Variants in SOD3 observed in about 807,000 individuals in gnomAD.
SOD3 encodes superoxide dismutase 3, also known as extracellular superoxide dismutase [Cu-Zn].
In SOD3, 3 loss-of-function variants were observed where a neutral mutation model predicts 2.6. That is an observed-to-expected ratio of 1.13 (90% CI 0.52 to 2.93). The LOEUF is 2.93. SOD3 is among the 30% of genes most tolerant of loss of function. The pLI is 0.04. For missense variants in SOD3, 379 were observed against 370.4 expected (o/e 1.02, Z -0.19); for synonymous variants, 188 against 177.5 (o/e 1.06, Z -0.47).
Position 24,796,622 on chromosome 4 carries a change from ATTTTTT to A in SOD3, c.-17+984_-17+989del, listed in dbSNP as rs58441391. Among the ~76,000 whole-genome samples, 644 of 126,126 alleles carry A rather than the reference ATTTTTT, an allele frequency of 5.1e-3. 12 individuals are homozygous for A. Among genetic ancestry groups the A allele is most frequent in the Non-Finnish European group, 4.7e-3 (290 of 61,870 alleles). The allele number at this position is 126,126 out of a possible 152,430, so 82.7% of individuals were successfully genotyped here. A position where few individuals can be genotyped will look rare whatever the true frequency, so the allele number is the denominator to read the frequency against. On this transcript the variant is annotated intron_variant, in intron 1 of 1. Coordinates refer to ENST00000382120, the MANE Select transcript of SOD3 (RefSeq NM_003102.4). ...CAGGCACATGCCACCACACCCAGCTATTTTTTTTTTTTTTTTTTGCTAGAGATGGGG... is the reference window on the plus strand; with the variant it reads ...CAGGCACATGCCACCACACCCAGCTATTTTTTTTTTTTGCTAGAGATGGGG...
chr4:24,799,200 A>T (rs1460760978), intron 1 of SOD3, among the ~76,000 whole-genome samples: 1 of 152,150 alleles, frequency 6.6e-6, no homozygotes, highest in South Asian at 2.1e-4. Flanking sequence ...GACACCCCTC[A>T]CGCTCCCTGA....
Position 24,799,855 on chromosome 4 carries a change from G to A in SOD3, c.334G>A (p.Ala112Thr), listed in dbSNP as rs772959611. The A allele has an allele frequency of 6.2e-7, 1 of 1,602,596 alleles. No homozygotes were observed. Residue 112 changes from alanine to threonine, a missense_variant, in exon 2 of 2, where the codon GCC becomes ACC. Ala to Thr is a moderately conservative substitution (Grantham distance 58, BLOSUM62 0). Transcript: ENST00000382120. ...FPTEPNSSSR[A>T]IHVHQFGDLS... ...GACCGAGCCGAACAGCTCCAGCCGC[G>A]CCATCCACGTGCACCAGTTCGGGGA...
chr4:24,800,448 G>GC lies in SOD3; in HGVS notation c.*210dup, dbSNP rs17885513. The GC allele has an allele frequency of 5.8e-3, 2,562 of 439,352 alleles. 53 individuals carry two copies. Among genetic ancestry groups the GC allele is most frequent in the African/African-American group, 0.048 (2,305 of 48,126 alleles). 27.2% of individuals were successfully genotyped at this position (439,352 alleles called of 1,614,324 possible). On this transcript the variant is annotated 3_prime_UTR_variant, in exon 2 of 2. Coordinates refer to ENST00000382120, the MANE Select transcript of SOD3 (RefSeq NM_003102.4). Reference sequence around the variant, plus strand: ...CCTGAGGACCGCCCCAACCCTCGGAGCCCCCCACTCAGTAGGTCTGAAGGC... The same window carrying GC: ...CCTGAGGACCGCCCCAACCCTCGGAGCCCCCCCACTCAGTAGGTCTGAAGGC...
chr4:24,798,895 G>A (rs1208171243), intron 1 of SOD3, among the ~76,000 whole-genome samples: 1 of 152,192 alleles, frequency 6.6e-6, no homozygotes, highest in Non-Finnish European at 1.5e-5. Context: ...TGCCAAGTCT[G>A]TCCCTCACTG....
intron 1 of SOD3, among the ~76,000 whole-genome samples, chr4:24,796,601 C>A (rs1178947372): frequency 1.4e-5 from 2 of 144,546 alleles, no homozygotes; most frequent in Non-Finnish European, 3.1e-5. Flanking sequence ...GGACTACAGG[C>A]ACATGCCACC....
Position 24,800,110 on chromosome 4 carries a change from G to C in SOD3, c.589G>C (p.Glu197Gln), listed in dbSNP as rs1713800989. The C allele has an allele frequency of 7.2e-7, 1 of 1,385,276 alleles. No homozygotes were observed. The highest frequency in any genetic ancestry group is 1.5e-5 in the African/African-American group (1 of 65,346). The allele number at this position is 1,385,276 out of a possible 1,614,324, so 85.8% of individuals were successfully genotyped here. A position where few individuals can be genotyped will look rare whatever the true frequency, so the allele number is the denominator to read the frequency against. The change falls in exon 2 of 2, where the codon GAG (glutamate) becomes CAG (glutamine). Residue 197 changes from glutamate (E) to glutamine (Q), a missense_variant. By Grantham distance (29) the Glu-to-Gln change is conservative. Coordinates refer to ENST00000382120, the MANE Select transcript of SOD3 (RefSeq NM_003102.4). ...CCGCGGCGGCAACCAGGCCAGCGTG[G>C]AGAACGGGAACGCGGGCCGGCGGCT... ...LGRGGNQASV[E>Q]NGNAGRRLAC...
chr4:24,799,450 A>G (rs1302751343), intron 1 of SOD3, 56 bp from the exon 2 acceptor site: 3 of 1,559,860 alleles, frequency 1.9e-6, no homozygotes, highest in African/African-American at 1.4e-5. Flanking sequence ...CTGAGATTCT[A>G]TGTTTCACGT....
rs1279959653 is a variant in SOD3 at position 24,799,600 on chromosome 4, C to CCCAACTCTGACTCGGCGGAGT, written c.80_100dup (p.Glu33_Trp34insSerAsnSerAspSerAlaGlu). 1.2e-6 allele frequency: 2 copies of CCCAACTCTGACTCGGCGGAGT among 1,604,258 alleles called. No individual in the cohort carries two copies. Among genetic ancestry groups the CCCAACTCTGACTCGGCGGAGT allele is most frequent in the Admixed American group, 3.3e-5 (2 of 59,712 alleles). ...CTGGACGGGCGAGGACTCGGCGGAG[C>CCCAACTCTGACTCGGCGGAGT]CCAACTCTGACTCGGCGGAGTGGAT... On this transcript the variant is annotated inframe_insertion, in exon 2 of 2. Coordinates refer to ENST00000382120, the MANE Select transcript of SOD3 (RefSeq NM_003102.4).
intron 1 of SOD3, among the ~76,000 whole-genome samples, chr4:24,798,063 C>T (rs907142590): frequency 6.6e-5 from 10 of 151,752 alleles, no homozygotes; most frequent in African/African-American, 2.2e-4. Flanking sequence ...TTTCCTCTTT[C>T]TTTCCCTTCC....
At position 24,800,199 on chromosome 4, in the gene SOD3, A is replaced by T; in HGVS notation, c.678A>T (p.Ser226=). The T allele has an allele frequency of 7.0e-7, 1 of 1,433,784 alleles. No individual in the cohort carries two copies. Among genetic ancestry groups the T allele is most frequent in the Non-Finnish European group, 9.1e-7 (1 of 1,100,046 alleles). The allele number at this position is 1,433,784 out of a possible 1,614,324, so 88.8% of individuals were successfully genotyped here. A position where few individuals can be genotyped will look rare whatever the true frequency, so the allele number is the denominator to read the frequency against. ...GLWERQAREH[S]ERKKRRRESE... is the part of the protein sequence containing the mutation. ...GGGAGCGCCAGGCGCGGGAGCACTC[A>T]GAGCGCAAGAAGCGGCGGCGCGAGA... The change falls in exon 2 of 2, where the codon TCA becomes TCT. Residue 226 remains serine, a synonymous_variant. Transcript: ENST00000382120.
In SOD3 at chr4:24,799,638, C is replaced by T. The variant is rs141224088; in HGVS notation, c.117C>T (p.Tyr39=). ...CGGCGGAGTGGATCCGAGACATGTA[C>T]GCCAAGGTCACGGAGATCTGGCAGG... The part of the protein sequence containing the change: ...SDSAEWIRDM[Y]AKVTEIWQEV... The change falls in exon 2 of 2, where the codon TAC becomes TAT. Residue 39 remains tyrosine (Y), a synonymous_variant. Coordinates refer to ENST00000382120, the MANE Select transcript of SOD3 (RefSeq NM_003102.4). 6.6e-4 allele frequency: 1,056 copies of T among 1,605,010 alleles called. 1 individual carries two copies. Among genetic ancestry groups the T allele is most frequent in the Non-Finnish European group, 8.1e-4 (952 of 1,178,274 alleles).
chr4:24,799,938 C>G lies in SOD3; in HGVS notation c.417C>G (p.His139Gln), dbSNP rs748827128. Residue 139 changes from histidine (H) to glutamine (Q), a missense_variant, in exon 2 of 2, where the codon CAC becomes CAG. Physicochemically the swap from His to Gln is conservative, Grantham distance 24. Transcript: ENST00000382120. ...GPHYNPLAVP[H>Q]PQHPGDFGNF... ...ACTACAACCCGCTGGCCGTGCCGCA[C>G]CCGCAGCACCCGGGCGACTTCGGCA... 1.3e-6 allele frequency: 2 copies of G among 1,594,900 alleles called. No individual in the cohort carries two copies. Among genetic ancestry groups the G allele is most frequent in the African/African-American group, 2.7e-5 (2 of 74,414 alleles).
chr4:24,796,622 AT>A (rs58441391), intron 1 of SOD3, among the ~76,000 whole-genome samples: 1,540 of 126,122 alleles, frequency 0.012, 37 homozygotes, highest in African/African-American at 0.042. Context: ...ACACCCAGCT[AT>A]TTTTTTTTTT....
At chr4:24,796,214 T>C (rs1713655196) in intron 1 of SOD3, among the ~76,000 whole-genome samples, 1 of 152,160 alleles carries the variant, frequency 6.6e-6, no homozygotes, top group Admixed American at 6.5e-5. Context: ...GTCCTCTTTC[T>C]CTGATAACAC....
At chr4:24,799,477 G>A in intron 1 of SOD3, 29 bp from the exon 2 acceptor site, 2 of 1,589,936 alleles carry the variant, frequency 1.3e-6, no homozygotes, top group South Asian at 1.1e-5. Flanking sequence ...GCCTCACTCT[G>A]CCCCCACCTC....
rs1713850526 is a variant in SOD3 at position 24,800,255 on chromosome 4, C to G, written c.*11C>G. On this transcript the variant is annotated 3_prime_UTR_variant, in exon 2 of 2. Transcript: ENST00000382120. ...TGCAAGGCCGCCTGAGCGCGGCCCC[C>G]ACCCGGCGGCGGCCAGGGACCCCCG... 7.2e-7 allele frequency: 1 copy of G among 1,384,002 alleles called. No homozygotes were observed. Among genetic ancestry groups the G allele is most frequent in the Non-Finnish European group, 9.3e-7 (1 of 1,073,004 alleles). 85.7% of individuals were successfully genotyped at this position (1,384,002 alleles called of 1,614,324 possible).
chr4:24,798,543 T>C (rs564808739), intron 1 of SOD3, among the ~76,000 whole-genome samples: 2 of 152,244 alleles, frequency 1.3e-5, no homozygotes, highest in East Asian at 3.9e-4. Flanking sequence ...ACTGTCTCTA[T>C]TTCTGCTTCT....
rs968426978 is a variant in SOD3 at position 24,799,690 on chromosome 4, G to C, written c.169G>C (p.Gly57Arg). ...GGTCATGCAGCGGCGGGACGACGAC[G>C]GCGCGCTCCACGCCGCCTGCCAGGT... ...QEVMQRRDDD[G>R]ALHAACQVQP... Residue 57 changes from glycine to arginine, a missense_variant, in exon 2 of 2, where the codon GGC (glycine) becomes CGC (arginine). By Grantham distance (125) the Gly-to-Arg change is moderately radical. Coordinates refer to ENST00000382120, the MANE Select transcript of SOD3 (RefSeq NM_003102.4). The C allele has an allele frequency of 2.1e-5, 34 of 1,585,726 alleles. No homozygotes were observed. The highest frequency in any genetic ancestry group is 2.6e-5 in the Non-Finnish European group (31 of 1,170,280).
Position 24,800,089 on chromosome 4 carries a change from G to A in SOD3, c.568G>A (p.Gly190Ser), listed in dbSNP as rs1440152134. Reference protein sequence around the residue: ...VHAGEDDLGRGGNQASVENGN... With the variant: ...VHAGEDDLGRSGNQASVENGN... ...CGCTGGCGAGGACGACCTGGGCCGC[G>A]GCGGCAACCAGGCCAGCGTGGAGAA... The change falls in exon 2 of 2, where the codon GGC becomes AGC. Residue 190 changes from glycine (G) to serine (S), a missense_variant. Gly to Ser is a moderately conservative substitution (Grantham distance 56). Transcript: ENST00000382120. 2.9e-6 allele frequency: 4 copies of A among 1,403,096 alleles called. No individual in the cohort carries two copies. The East Asian group carries it at 9.0e-5, about 32-fold the overall frequency. 86.9% of individuals were successfully genotyped at this position (1,403,096 alleles called of 1,614,324 possible).
Sources: allele counts gnomAD v4.1 joint callset (sites outside exome capture counted in the v4.1 genomes callset), GRCh38; gene constraint gnomAD v4.1.1; transcripts MANE v1.5; gene names NCBI Gene and HGNC (gene_info 2026-07-23, HGNC 2026-07-21).